Variants in NTRK2 observed in about 807,000 individuals in gnomAD.
The protein encoded by NTRK2 is BDNF/NT-3 growth factors receptor.
Under a neutral mutation model 94.5 loss-of-function variants are expected in NTRK2, and 13 were observed. The observed-to-expected ratio is 0.14, with a 90% confidence interval of 0.09 to 0.22. The LOEUF is 0.22. Ranked by LOEUF, NTRK2 falls within the 10% of genes least tolerant of loss-of-function variation. NTRK2 has a pLI of 1.00. For missense variants in NTRK2, 639 were observed against 1,071.2 expected, an observed-to-expected ratio of 0.60 and a Z score of 5.63; for synonymous variants, 372 against 407.4, an observed-to-expected ratio of 0.91 and a Z score of 1.05.
At chr9:85,014,679 G>C (rs1007694894) in intron 17 of NTRK2, among the ~76,000 whole-genome samples, 2 of 152,148 alleles carry the variant, frequency 1.3e-5, no homozygotes, top group Non-Finnish European at 2.9e-5. Flanking sequence ...TGTCCATTCT[G>C]ATTTAAATAT....
chr9:84,999,991 T>C (rs1253514272), intron 17 of NTRK2, among the ~76,000 whole-genome samples: 3 of 152,166 alleles, frequency 2.0e-5, no homozygotes, highest in African/African-American at 7.2e-5. Context: ...TCCTGAATTT[T>C]TAAATGGCAC....
At chr9:84,894,541 A>G (rs1044180668) in intron 14 of NTRK2, among the ~76,000 whole-genome samples, 1 of 152,116 alleles carries the variant, frequency 6.6e-6, no homozygotes. Context: ...CTCCACCTAA[A>G]TATTCTATCT....
intron 17 of NTRK2, among the ~76,000 whole-genome samples, chr9:84,960,361 A>G (rs1373656596): frequency 1.3e-5 from 2 of 152,228 alleles, no homozygotes; most frequent in African/African-American, 2.4e-5. Flanking sequence ...GAACTGGAAA[A>G]TATAGTCCTG....
At chr9:84,917,729 C>T (rs1212969487) in intron 14 of NTRK2, among the ~76,000 whole-genome samples, 1 of 152,116 alleles carries the variant, frequency 6.6e-6, no homozygotes, top group Non-Finnish European at 1.5e-5. Flanking sequence ...CATATAATGA[C>T]AATAAAAAGA....
chr9:84,702,673 C>G (rs1436374073), intron 4 of NTRK2, among the ~76,000 whole-genome samples: 1 of 152,166 alleles, frequency 6.6e-6, no homozygotes, highest in Non-Finnish European at 1.5e-5. Flanking sequence ...AATAGGCTAG[C>G]AGCAAGGAGT....
chr9:84,862,521 T>G (rs2075384505), intron 13 of NTRK2, among the ~76,000 whole-genome samples: 1 of 152,212 alleles, frequency 6.6e-6, no homozygotes, highest in South Asian at 2.1e-4. Context: ...GTTTTACTGT[T>G]TTAGGCCACA....
At chr9:84,744,605 A>T (rs912583543) in intron 10 of NTRK2, among the ~76,000 whole-genome samples, 3 of 152,028 alleles carry the variant, frequency 2.0e-5, no homozygotes, top group Non-Finnish European at 4.4e-5. Context: ...GTCTCTGAAG[A>T]CCTTTCCGGG....
chr9:84,860,753 T>C lies in NTRK2; in HGVS notation c.1397-287T>C, dbSNP rs376762857. Among the ~76,000 whole-genome samples, 6 of 152,154 alleles carry C rather than the reference T, an allele frequency of 3.9e-5. No homozygotes were observed. The East Asian group carries it at 5.8e-4, about 15-fold the overall frequency. On this transcript the variant is annotated intron_variant, in intron 12 of 18. Coordinates refer to ENST00000277120, the MANE Select transcript of NTRK2 (RefSeq NM_006180.6). ...AGAGCCCTTAACCCTGGGTTGTGGCTATTTTTCTCATAGACAGGCTGCTCT... is the reference window on the plus strand; with the variant it reads ...AGAGCCCTTAACCCTGGGTTGTGGCCATTTTTCTCATAGACAGGCTGCTCT...
intron 12 of NTRK2, among the ~76,000 whole-genome samples, chr9:84,790,156 C>T (rs906733120): frequency 1.3e-5 from 2 of 152,094 alleles, no homozygotes; most frequent in Admixed American, 6.5e-5. Flanking sequence ...TCAGAGAACA[C>T]TTTTAGTCAG....
intron 12 of NTRK2, among the ~76,000 whole-genome samples, chr9:84,859,455 A>G (rs2075228834): frequency 6.6e-6 from 1 of 152,202 alleles, no homozygotes; most frequent in Non-Finnish European, 1.5e-5. Context: ...TTCAATTTCT[A>G]GAATTTATCT....
At chr9:84,957,843 T>C (rs1262931712) in intron 17 of NTRK2, among the ~76,000 whole-genome samples, 1 of 152,278 alleles carries the variant, frequency 6.6e-6, no homozygotes, top group African/African-American at 2.4e-5. Context: ...AACAAGTTTA[T>C]TGTCCATCAA....
chr9:84,778,098 C>T (rs6559829), intron 12 of NTRK2, among the ~76,000 whole-genome samples: 101,190 of 151,916 alleles, frequency 0.67, 34,208 homozygotes, highest in East Asian at 0.73. Context: ...GCTGTCCCTA[C>T]AAAAAGTTAC....
At chr9:84,814,272 C>A (rs2072127075) in intron 12 of NTRK2, 5 of 1,065,382 alleles carry the variant, frequency 4.7e-6, no homozygotes, top group Non-Finnish European at 5.7e-6. Context: ...TGGAGCATCT[C>A]CTCAGACAGA....
chr9:84,793,880 C>T (rs1395584777), intron 12 of NTRK2, among the ~76,000 whole-genome samples: 30 of 152,316 alleles, frequency 2.0e-4, no homozygotes, highest in African/African-American at 7.2e-4. Flanking sequence ...TCGATGCCTG[C>T]TCTTGCTCTA....
Position 85,025,951 on chromosome 9 carries a change from A to AG in NTRK2, c.*4518dup, listed in dbSNP as rs1272432501. 2 of 232,792 alleles carry AG rather than the reference A, an allele frequency of 8.6e-6. No homozygotes were observed. Among genetic ancestry groups the AG allele is most frequent in the East Asian group, 1.2e-4 (2 of 16,534 alleles). 14.4% of individuals were successfully genotyped at this position (232,792 alleles called of 1,614,324 possible). A position where few individuals can be genotyped will look rare whatever the true frequency, so the allele number is the denominator to read the frequency against. On this transcript the variant is annotated 3_prime_UTR_variant, in exon 19 of 19. Coordinates refer to ENST00000277120, the MANE Select transcript of NTRK2 (RefSeq NM_006180.6). Reference sequence around the variant, plus strand: ...TATAGTTAGAAACGACAGTGCAGGAAGGGGTATTTTCTTGTTGTCAGGGCT... The same window carrying AG: ...TATAGTTAGAAACGACAGTGCAGGAAGGGGGTATTTTCTTGTTGTCAGGGCT...
chr9:84,805,434 C>A (rs1165345146), intron 12 of NTRK2, among the ~76,000 whole-genome samples: 1 of 152,166 alleles, frequency 6.6e-6, no homozygotes, highest in Non-Finnish European at 1.5e-5. Flanking sequence ...TTAAAATGCT[C>A]CAGGAAGTAC....
chr9:84,832,509 C>A (rs187088357), intron 12 of NTRK2, among the ~76,000 whole-genome samples: 2 of 152,096 alleles, frequency 1.3e-5, no homozygotes, highest in Admixed American at 6.6e-5. Context: ...AAAGCAGAGA[C>A]GGAGGTGAGG....
At chr9:84,858,355 T>G (rs2075167073) in intron 12 of NTRK2, among the ~76,000 whole-genome samples, 1 of 152,128 alleles carries the variant, frequency 6.6e-6, no homozygotes. Context: ...GTTTGTTGTT[T>G]TTTTGCCTAA....
At chr9:84,952,807 G>A (rs571315251) in intron 16 of NTRK2, among the ~76,000 whole-genome samples, 7 of 152,280 alleles carry the variant, frequency 4.6e-5, no homozygotes, top group South Asian at 4.2e-4. Flanking sequence ...GCTTCCTGAC[G>A]TCTGCAGAGT....
Sources: gnomAD v4.1 joint callset for allele counts (sites outside exome capture counted in the v4.1 genomes callset) on GRCh38, gnomAD v4.1.1 for gene constraint, MANE v1.5 for transcripts, NCBI Gene and HGNC (gene_info 2026-07-23, HGNC 2026-07-21) for gene names.